AKT2: variants seen among roughly 807,000 people sequenced by gnomAD.
The protein encoded by AKT2 is AKT serine/threonine kinase 2.
Under a neutral mutation model 58.6 loss-of-function variants are expected in AKT2, and 16 were observed. The ratio of observed to expected loss-of-function variants is 0.27; its 90% CI spans 0.18 to 0.41. AKT2 has a LOEUF of 0.41. Ranked by LOEUF, AKT2 falls within the 10% of genes least tolerant of loss-of-function variation. AKT2 has a pLI of 1.00. For missense variants in AKT2, 438 were observed against 661.0 expected, an observed-to-expected ratio of 0.66 and a Z score of 3.70; for synonymous variants, 253 against 254.0, an observed-to-expected ratio of 1.00 and a Z score of 0.04.
Position 40,238,206 on chromosome 19 carries a change from G to A in AKT2, c.709-115C>T. ...GTGGTGACACCTGTATCATGAACCA[G>A]CAAGTGACAGCTAGAGGGACCAATC... is the stretch of plus-strand genomic sequence containing the variant. On this transcript the variant is annotated intron_variant, in intron 8 of 13. Transcript: ENST00000392038. The surrounding 1 kb of genome is among the most constrained non-coding windows in gnomAD (Gnocchi z 5.1). 7.4e-7 allele frequency: 1 copy of A among 1,355,062 alleles called. No individual in the cohort carries two copies. Among genetic ancestry groups the A allele is most frequent in the African/African-American group, 1.4e-5 (1 of 69,532 alleles). 83.9% of individuals were successfully genotyped at this position (1,355,062 alleles called of 1,614,324 possible). A position where few individuals can be genotyped will look rare whatever the true frequency, so the allele number is the denominator to read the frequency against.
At chr19:40,270,364 G>A (rs1976619120) in intron 1 of AKT2, 1 of 152,204 alleles carries the variant, frequency 6.6e-6, no homozygotes, top group South Asian at 2.1e-4. Context: ...ACAGAGTGGA[G>A]TGGGTACTTA....
At chr19:40,257,100 A>T in intron 2 of AKT2, 46 bp from the exon 3 acceptor site, 1 of 1,610,368 alleles carries the variant, frequency 6.2e-7, no homozygotes, top group Non-Finnish European at 8.5e-7. Flanking sequence ...GACAAGGTTG[A>T]GTGATGTCCC....
At chr19:40,277,454 C>T (rs2077347572) in intron 1 of AKT2, among the ~76,000 whole-genome samples, 1 of 152,150 alleles carries the variant, frequency 6.6e-6, no homozygotes, top group Non-Finnish European at 1.5e-5. Flanking sequence ...CCACCTGAAT[C>T]CAGCCAGCTC....
intron 1 of AKT2, chr19:40,282,655 T>C: frequency 2.5e-6 from 1 of 402,060 alleles, no homozygotes; most frequent in Non-Finnish European, 5.2e-6. Context: ...TGGAACCTGG[T>C]GAGCAAGGAA....
At position 40,242,837 on chromosome 19, in the gene AKT2, G is replaced by C. The variant is rs1049098045; in HGVS notation, c.288-150C>G. On this transcript the variant is annotated intron_variant, in intron 4 of 13. Coordinates refer to ENST00000392038, the MANE Select transcript of AKT2 (RefSeq NM_001626.6). The surrounding 1 kb of genome is among the most constrained non-coding windows in gnomAD (Gnocchi z 4.3). ...TTGGGCAAGATCTGTCAGAACCAGA[G>C]AGAGCTGAAGGGACCTGAGTGAAAT... 1.2e-6 allele frequency: 1 copy of C among 845,768 alleles called. No individual in the cohort carries two copies. Among genetic ancestry groups the C allele is most frequent in the Non-Finnish European group, 1.9e-6 (1 of 532,310 alleles). The allele number at this position is 845,768 out of a possible 1,614,324, so 52.4% of individuals were successfully genotyped here. A position where few individuals can be genotyped will look rare whatever the true frequency, so the allele number is the denominator to read the frequency against.
chr19:40,236,693 CTTCTA>C (rs1313901348), intron 9 of AKT2: 7 of 418,470 alleles, frequency 1.7e-5, no homozygotes, highest in African/African-American at 6.1e-5. Context: ...CACTAGCTTT[CTTCTA>C]TTCTTTTTTT....
rs1568516086 is a variant in AKT2 at position 40,235,008 on chromosome 19, G to A, written c.1366+37C>T. 6.4e-7 allele frequency: 1 copy of A among 1,564,734 alleles called. No individual in the cohort carries two copies. Among genetic ancestry groups the A allele is most frequent in the Non-Finnish European group, 8.8e-7 (1 of 1,135,222 alleles). On this transcript the variant is annotated intron_variant, in intron 13 of 13. Coordinates refer to ENST00000392038, the MANE Select transcript of AKT2 (RefSeq NM_001626.6). This position sits in a 1 kb window ranked among gnomAD's most constrained non-coding sequence, Gnocchi z 6.3. ...AGCAGATCCCATCCCTCCACCCCTG[G>A]GGCAGGCACACCAGCGCGGGGGCCC...
intron 1 of AKT2, chr19:40,270,397 T>G (rs1379706832): frequency 6.7e-6 from 1 of 148,782 alleles, no homozygotes; most frequent in Non-Finnish European, 1.5e-5. Context: ...GGAATGAACA[T>G]GTACAGAGTG....
intron 4 of AKT2, 111 bp downstream of exon 4, chr19:40,255,047 G>T: frequency 1.2e-6 from 1 of 862,492 alleles, no homozygotes; most frequent in Non-Finnish European, 2.0e-6. Context: ...CAGAAGCGCA[G>T]ATAGGAAACC....
intron 9 of AKT2, 154 bp from the exon 10 acceptor site, chr19:40,236,539 A>G: frequency 9.8e-7 from 1 of 1,016,658 alleles, no homozygotes; most frequent in Non-Finnish European, 1.5e-6. Flanking sequence ...TCTGAGGCTC[A>G]GAGAGAGGCC....
Position 40,233,451 on chromosome 19 carries a change from T to C in AKT2, c.*421A>G, listed in dbSNP as rs1270969483. 1 of 519,380 alleles carries C rather than the reference T, an allele frequency of 1.9e-6. No individual in the cohort carries two copies. Among genetic ancestry groups the C allele is most frequent in the East Asian group, 3.5e-5 (1 of 28,646 alleles). 32.2% of individuals were successfully genotyped at this position (519,380 alleles called of 1,614,324 possible). ...CACGGGGCCTGGAAGGCAGCACCAC[T>C]GTCTGCCGGGTGTCGCGTCCCACCA... is the stretch of plus-strand genomic sequence containing the variant. On this transcript the variant is annotated 3_prime_UTR_variant, in exon 14 of 14. Coordinates refer to ENST00000392038, the MANE Select transcript of AKT2 (RefSeq NM_001626.6). The surrounding 1 kb of genome is among the most constrained non-coding windows in gnomAD (Gnocchi z 4.3).
chr19:40,282,254 T>A, intron 1 of AKT2: 1 of 324,394 alleles, frequency 3.1e-6, no homozygotes, highest in Non-Finnish European at 6.1e-6. Flanking sequence ...TCTCGTGGAT[T>A]AATTCATTTA....
At chr19:40,245,548 G>A (rs1429698676) in intron 4 of AKT2, among the ~76,000 whole-genome samples, 1 of 152,110 alleles carries the variant, frequency 6.6e-6, no homozygotes, top group East Asian at 1.9e-4. Context: ...GGGAGTCGAA[G>A]GAAAGGAACA....
intron 1 of AKT2, chr19:40,275,307 G>A: frequency 2.2e-6 from 1 of 456,550 alleles, no homozygotes; most frequent in Non-Finnish European, 4.4e-6. Context: ...TGGACTGCAT[G>A]GGGAATCCCT....
In AKT2 at chr19:40,233,695, G is replaced by GGCAGGGGCTGCAGGGGCT. The variant is rs548867671; in HGVS notation, c.*176_*177insAGCCCCTGCAGCCCCTGC. 2.6e-6 allele frequency: 2 copies of GGCAGGGGCTGCAGGGGCT among 773,622 alleles called. No homozygotes were observed. Among genetic ancestry groups the GGCAGGGGCTGCAGGGGCT allele is most frequent in the African/African-American group, 3.4e-5 (2 of 58,916 alleles). 47.9% of individuals were successfully genotyped at this position (773,622 alleles called of 1,614,324 possible). On this transcript the variant is annotated 3_prime_UTR_variant, in exon 14 of 14. Transcript: ENST00000392038. The surrounding 1 kb of genome is among the most constrained non-coding windows in gnomAD (Gnocchi z 4.3). ...CACAAAGGTGAGGCTGGAGGCTGGA[G>GGCAGGGGCTGCAGGGGCT]GCAGGGGCTGCAGGGGCCGCTGGGG...
Position 40,235,597 on chromosome 19 carries a change from T to C in AKT2, c.1176-247A>G, listed in dbSNP as rs767169891. 66 of 618,262 alleles carry C rather than the reference T, an allele frequency of 1.1e-4. No individual in the cohort carries two copies. The highest frequency in any genetic ancestry group is 1.9e-4 in the Non-Finnish European group (65 of 348,088). The allele number at this position is 618,262 out of a possible 1,614,324, so 38.3% of individuals were successfully genotyped here. A position where few individuals can be genotyped will look rare whatever the true frequency, so the allele number is the denominator to read the frequency against. On this transcript the variant is annotated intron_variant, in intron 11 of 13. Transcript: ENST00000392038. The surrounding 1 kb of genome is among the most constrained non-coding windows in gnomAD (Gnocchi z 6.3). ...ACCCTGAGTCCAGAAAGGGAGTTAG[T>C]AGGGCAGGCTCCGTTCCTATCCTGG...
At chr19:40,278,653 T>A (rs974475026) in intron 1 of AKT2, among the ~76,000 whole-genome samples, 4 of 151,974 alleles carry the variant, frequency 2.6e-5, no homozygotes, top group African/African-American at 9.7e-5. Flanking sequence ...CTGTGCCCAC[T>A]GCCCTGCAGA....
rs766687564 is a variant in AKT2 at position 40,232,290 on chromosome 19, A to G, written c.*1582T>C. The G allele has an allele frequency of 1.7e-5, 4 of 233,686 alleles. No individual in the cohort carries two copies. Among genetic ancestry groups the G allele is most frequent in the Non-Finnish European group, 3.4e-5 (4 of 118,170 alleles). 14.5% of individuals were successfully genotyped at this position (233,686 alleles called of 1,614,324 possible). ...GGGTCTGACTCCATCACCAAGGCAA[A>G]GCCCAGAGTGGTTGGGCTGGCGTGA... is the stretch of plus-strand genomic sequence containing the variant. On this transcript the variant is annotated 3_prime_UTR_variant, in exon 14 of 14. Coordinates refer to ENST00000392038, the MANE Select transcript of AKT2 (RefSeq NM_001626.6).
In AKT2 at chr19:40,241,918, G is replaced by T. The variant is rs772300079; in HGVS notation, c.573+20C>A. 34 of 1,613,110 alleles carry T rather than the reference G, an allele frequency of 2.1e-5. No homozygotes were observed. The highest frequency in any genetic ancestry group is 2.6e-5 in the Non-Finnish European group (31 of 1,179,940). ...GCAGCCCCCACAGAGGCTCGCGAGC[G>T]CAATTCCCGGGGCACGCACCTTGGC... On this transcript the variant is annotated intron_variant, in intron 6 of 13. Transcript: ENST00000392038.
Sources: gnomAD v4.1 joint callset for allele counts (sites outside exome capture counted in the v4.1 genomes callset) on GRCh38, gnomAD v4.1.1 for gene constraint, Gnocchi (gnomAD v3.1) non-coding constraint, MANE v1.5 for transcripts, NCBI Gene and HGNC (gene_info 2026-07-23, HGNC 2026-07-21) for gene names.